Variants in CSTF2 observed in about 807,000 individuals in gnomAD.
CSTF2 encodes CF-1 64 kDa subunit.
CSTF2 carries 8 observed loss-of-function variants against 45.4 expected under a neutral mutation model. That is an observed-to-expected ratio of 0.18 (90% CI 0.10 to 0.32). The LOEUF (loss-of-function observed/expected upper bound fraction) is 0.32. Ranked by LOEUF, CSTF2 falls within the 10% of genes least tolerant of loss-of-function variation. CSTF2 has a pLI of 1.00. For synonymous variants in CSTF2, 155 were observed against 158.9 expected (o/e 0.98, Z 0.18); for missense variants, 253 against 477.1 (o/e 0.53, Z 4.38).
At position 100,823,936 on chromosome X, in the gene CSTF2, C is replaced by T. The variant is rs1402116345; in HGVS notation, c.495C>T (p.Asn165=). 8.3e-7 allele frequency: 1 copy of T among 1,211,137 alleles called. No homozygotes were observed. The highest frequency in any genetic ancestry group is 1.8e-5 in the South Asian group (1 of 56,976). ...PQEARNMLLQ[N]PQLAYALLQA... ...AGGCACGGAACATGTTACTTCAGAA[C>T]CCTCAACTGGCTTATGCTTTGCTGC... Residue 165 remains asparagine, a synonymous_variant, in exon 5 of 14, where the codon AAC becomes AAT. Transcript: ENST00000372972.
At chrX:100,826,291 CTTT>C (rs771545462) in intron 6 of CSTF2, among the ~76,000 whole-genome samples, 1 of 67,958 alleles carries the variant, frequency 1.5e-5, no homozygotes, top group Non-Finnish European at 2.8e-5. Context: ...GGGTTTAGGG[CTTT>C]TTTTTTTTTT....
At chrX:100,826,987 A>G (rs1325237982) in intron 7 of CSTF2, among the ~76,000 whole-genome samples, 1 of 112,023 alleles carries the variant, frequency 8.9e-6, no homozygotes, top group Non-Finnish European at 1.9e-5. Context: ...TAAAACTTCC[A>G]AGTTAACAAG....
chrX:100,827,160 T>A (rs966004790), intron 7 of CSTF2, among the ~76,000 whole-genome samples: 20 of 112,221 alleles, frequency 1.8e-4, no homozygotes, highest in Non-Finnish European at 2.6e-4. Context: ...AACTGTCAGA[T>A]TAGGTTCAAA....
At chrX:100,830,106 A>G (rs1029480106) in intron 8 of CSTF2, among the ~76,000 whole-genome samples, 1 of 112,115 alleles carries the variant, frequency 8.9e-6, no homozygotes, top group African/African-American at 3.2e-5. Flanking sequence ...GAGATGTTTG[A>G]GAAGATACTT....
chrX:100,831,117 C>G (rs949131855), intron 8 of CSTF2, among the ~76,000 whole-genome samples: 1 of 111,463 alleles, frequency 9.0e-6, no homozygotes, highest in Non-Finnish European at 1.9e-5. Flanking sequence ...TGTCAGGAGG[C>G]TTGGATGGAA....
rs761237860 is a variant in CSTF2 at position 100,820,582 on chromosome X, C to T, written c.58+108C>T. ...TGACGGTTCGGACGTGCAGTTCTCC[C>T]TGCTTATCCTGTAGGGCGTCCAACC... On this transcript the variant is annotated intron_variant, in intron 1 of 13. Transcript: ENST00000372972. 2.1e-5 allele frequency: 17 copies of T among 820,440 alleles called. No homozygotes were observed. In the Admixed American group the frequency reaches 4.0e-4, roughly 20 times the overall value. The allele number at this position is 820,440 out of a possible 1,213,427, so 67.6% of individuals were successfully genotyped here. A position where few individuals can be genotyped will look rare whatever the true frequency, so the allele number is the denominator to read the frequency against.
At chrX:100,835,382 A>G (rs1158225017) in intron 11 of CSTF2, among the ~76,000 whole-genome samples, 1 of 110,299 alleles carries the variant, frequency 9.1e-6, no homozygotes, top group Non-Finnish European at 1.9e-5. Flanking sequence ...CCTACACAAG[A>G]TAGTGAGACC....
At chrX:100,827,920 C>T in intron 7 of CSTF2, 120 bp from the exon 8 acceptor site, 2 of 477,274 alleles carry the variant, frequency 4.2e-6, no homozygotes, top group Non-Finnish European at 7.1e-6. Flanking sequence ...TGAATATCTT[C>T]CTTTGTAGGT....
In CSTF2 at chrX:100,838,331, A is replaced by G. The variant is rs2085021561; in HGVS notation, c.1704A>G (p.Glu568=). 1 of 1,202,121 alleles carries G rather than the reference A, an allele frequency of 8.3e-7. No individual in the cohort carries two copies. The highest frequency in any genetic ancestry group is 1.8e-5 in the South Asian group (1 of 54,566). Residue 568 remains glutamate (E), a synonymous_variant, in exon 13 of 14, where the codon GAA becomes GAG. Transcript: ENST00000372972. The stretch of plus-strand genomic sequence containing the variant: ...GGCAGAGTATCCTGATTTTAAAGGA[A>G]CAAATACAGAAATCCACTGGAGCAC... ...EQRQSILILK[E]QIQKSTGAP
At position 100,834,562 on chromosome X, in the gene CSTF2, T is replaced by C. The variant is rs187083485; in HGVS notation, c.1500+1090T>C. 4.3e-3 allele frequency among the ~76,000 whole-genome samples: 487 copies of C among 112,518 alleles called. 3 individuals are homozygous for C. The highest frequency in any genetic ancestry group is 0.015 in the African/African-American group (456 of 30,982). ...ACAAATAGAGGGTTTTTTTGCTATG[T>C]GTAGAATAAAACTGTTCTCTATTGT... On this transcript the variant is annotated intron_variant, in intron 11 of 13. Transcript: ENST00000372972.
chrX:100,821,970 G>A (rs1162596868), intron 2 of CSTF2, among the ~76,000 whole-genome samples: 1 of 109,870 alleles, frequency 9.1e-6, no homozygotes. Flanking sequence ...GCCCATGCCT[G>A]TAGTCCCAGC....
intron 3 of CSTF2, 96 bp downstream of exon 3, chrX:100,822,516 G>T (rs2084924067): frequency 3.4e-6 from 3 of 892,814 alleles, no homozygotes; most frequent in Non-Finnish European, 4.8e-6. Flanking sequence ...TGCTGAAATG[G>T]TTAGCCACGC....
rs920411445 is a variant in CSTF2 at position 100,820,424 on chromosome X, G to A, written c.8G>A (p.Gly3Asp). 8.3e-7 allele frequency: 1 copy of A among 1,210,772 alleles called. No individual in the cohort carries two copies. Among genetic ancestry groups the A allele is most frequent in the African/African-American group, 1.7e-5 (1 of 57,515 alleles). Residue 3 changes from glycine to aspartate, a missense_variant, in exon 1 of 14, where the codon GGT becomes GAT. Gly to Asp is a moderately conservative substitution (Grantham distance 94). Around this residue, in one of 3 missense-constraint regions of CSTF2, gnomAD observed 45 missense variants for 147.5 expected, o/e 0.31. Transcript: ENST00000372972. MA[G>D]LTVRDPAVDR... is the part of the protein sequence containing the mutation. ...AGCCGACTCAACAGAGCTATGGCGG[G>A]TTTGACTGTGAGAGACCCAGCGGTG...
intron 6 of CSTF2, 132 bp from the exon 7 acceptor site, chrX:100,826,502 C>T (rs2084945479): frequency 1.8e-6 from 1 of 549,698 alleles, no homozygotes; most frequent in African/African-American, 2.3e-5. Context: ...CTGCATAAGA[C>T]ATGCCATACA....
intron 6 of CSTF2, among the ~76,000 whole-genome samples, chrX:100,825,114 A>G (rs2147887781): frequency 8.9e-6 from 1 of 112,288 alleles, no homozygotes; most frequent in South Asian, 3.7e-4. Flanking sequence ...TGAGTTGCAA[A>G]ATAATATATT....
rs200537752 is a variant in CSTF2, at chrX:100,823,888, C to G, written c.447C>G (p.Leu149=). 1.9e-5 allele frequency: 23 copies of G among 1,209,217 alleles called. No homozygotes were observed. The Admixed American group carries it at 4.8e-4, about 25-fold the overall frequency. The change falls in exon 5 of 14, where the codon CTC becomes CTG. Residue 149 remains leucine (L), a splice_region_variant and synonymous_variant. Transcript: ENST00000372972. ...CCTGAATCTGCTTATCTTCTCAGCT[C>G]TGTGTCCAGAATAGTCCCCAGGAGG... ...QMFELMKQMK[L]CVQNSPQEAR...
At chrX:100,822,495 G>A in intron 3 of CSTF2, 75 bp downstream of exon 3, 2 of 1,046,229 alleles carry the variant, frequency 1.9e-6, no homozygotes, top group Non-Finnish European at 2.6e-6. Context: ...TTTCTGATAT[G>A]TTTTAGAATA....
Position 100,826,685 on chromosome X carries a change from G to T in CSTF2, c.754G>T (p.Gly252Cys), listed in dbSNP as rs1334907291. The change falls in exon 7 of 14, where the codon GGT becomes TGT. Residue 252 changes from glycine (G) to cysteine (C), a missense_variant. Physicochemically the swap from Gly to Cys is radical, Grantham distance 159 (BLOSUM62 -3). This residue lies in a region of CSTF2 where 200 missense variants were observed against 294.0 expected (regional missense o/e 0.68). Transcript: ENST00000372972. ...TCCTCTGATGCAAGCTTCTATGCAG[G>T]GTGGAGTTCCAGCACCAGGGCAAAT... Reference protein sequence around the residue: ...APPLMQASMQGGVPAPGQMPA... With the variant: ...APPLMQASMQCGVPAPGQMPA... The T allele has an allele frequency of 8.3e-7, 1 of 1,210,338 alleles. No homozygotes were observed. The highest frequency in any genetic ancestry group is 1.1e-6 in the Non-Finnish European group (1 of 894,625).
At chrX:100,832,699 C>G in intron 9 of CSTF2, 35 bp from the exon 10 acceptor site, 1 of 1,153,597 alleles carries the variant, frequency 8.7e-7, no homozygotes, top group Non-Finnish European at 1.2e-6. Context: ...TTGTTTTGTT[C>G]TATTTTAAAA....
Sources: allele counts gnomAD v4.1 joint callset (sites outside exome capture counted in the v4.1 genomes callset), GRCh38; gene constraint gnomAD v4.1.1; regional missense constraint gnomAD v4.1.1; transcripts MANE v1.5; gene names NCBI Gene and HGNC (gene_info 2026-07-23, HGNC 2026-07-21).